Variants in SMOC2 observed in about 807,000 individuals in gnomAD.
The protein encoded by SMOC2 is SPARC related modular calcium binding 2, also known as SPARC-related modular calcium-binding protein 2.
SMOC2 carries 39 observed loss-of-function variants against 61.4 expected under a neutral mutation model. The ratio of observed to expected loss-of-function variants is 0.64; its 90% CI spans 0.49 to 0.83. The LOEUF is 0.83. Among genes scored for constraint, SMOC2 ranks in the 40% least tolerant of loss-of-function variants. The pLI is 0.00. For missense variants in SMOC2, 556 were observed against 592.9 expected (o/e 0.94, Z 0.65); for synonymous variants, 247 against 239.9 (o/e 1.03, Z -0.27).
chr6:168,603,278 A>G, intron 8 of SMOC2, among the ~76,000 whole-genome samples: 1 of 119,568 alleles, frequency 8.4e-6, no homozygotes, highest in African/African-American at 3.2e-5. Context: ...GAAATTACCG[A>G]GTCTCAGGTA....
At chr6:168,592,368 C>T (rs1192034568) in intron 7 of SMOC2, among the ~76,000 whole-genome samples, 10 of 124,658 alleles carry the variant, frequency 8.0e-5, no homozygotes, top group African/African-American at 2.9e-4. Context: ...TGAGGCCTCA[C>T]GGGCATCTTT....
At position 168,599,776 on chromosome 6, in the gene SMOC2, C is replaced by CCA. The variant is rs372397023; in HGVS notation, c.824+779_824+780dup. Among the ~76,000 whole-genome samples, 115 of 88,466 alleles carry CCA rather than the reference C, an allele frequency of 1.3e-3. 1 individual carries two copies. Among genetic ancestry groups the CCA allele is most frequent in the Middle Eastern group, 9.1e-3 (1 of 110 alleles). The allele number at this position is 88,466 out of a possible 152,430, so 58.0% of individuals were successfully genotyped here. A position where few individuals can be genotyped will look rare whatever the true frequency, so the allele number is the denominator to read the frequency against. Reference sequence around the variant, plus strand: ...CTCATACAATCCCCCAAACACCCCCCCACACACAAACATACCCACAGTCAC... The same window carrying CCA: ...CTCATACAATCCCCCAAACACCCCCCCACACACACAAACATACCCACAGTCAC... On this transcript the variant is annotated intron_variant, in intron 8 of 12. Transcript: ENST00000356284.
chr6:168,580,564 C>T (rs1250071953), intron 7 of SMOC2, among the ~76,000 whole-genome samples: 1 of 152,202 alleles, frequency 6.6e-6, no homozygotes, highest in Non-Finnish European at 1.5e-5. Flanking sequence ...TCTTTTGAGA[C>T]AGGGTCTCAC....
chr6:168,519,134 T>C (rs1427296926), intron 2 of SMOC2, among the ~76,000 whole-genome samples: 2 of 151,372 alleles, frequency 1.3e-5, no homozygotes, highest in Non-Finnish European at 3.0e-5. Context: ...CATGTGTATG[T>C]GTGCATGTGT....
chr6:168,618,635 G>A (rs984622702), intron 9 of SMOC2, among the ~76,000 whole-genome samples: 4 of 152,168 alleles, frequency 2.6e-5, no homozygotes, highest in Non-Finnish European at 5.9e-5. Flanking sequence ...GGCGAGTCAA[G>A]GAGAGGTGGT....
intron 2 of SMOC2, among the ~76,000 whole-genome samples, chr6:168,513,450 G>A (rs1454804703): frequency 7.1e-6 from 1 of 140,986 alleles, no homozygotes; most frequent in Admixed American, 7.6e-5. Context: ...TTCAATGGGA[G>A]ACACACACAC....
intron 9 of SMOC2, among the ~76,000 whole-genome samples, chr6:168,623,482 C>CTTAT (rs146563724): frequency 1.4e-3 from 211 of 146,474 alleles, no homozygotes; most frequent in East Asian, 8.3e-3. Context: ...CCCCACCTGG[C>CTTAT]TTATTTATTT....
At chr6:168,566,251 T>G (rs1717863030) in intron 7 of SMOC2, among the ~76,000 whole-genome samples, 1 of 152,180 alleles carries the variant, frequency 6.6e-6, no homozygotes, top group South Asian at 2.1e-4. Flanking sequence ...TGTGTGTGTT[T>G]ATACACCACT....
chr6:168,458,469 C>A (rs1489202741), intron 1 of SMOC2, among the ~76,000 whole-genome samples: 1 of 152,216 alleles, frequency 6.6e-6, no homozygotes, highest in Non-Finnish European at 1.5e-5. Flanking sequence ...TGGGTTTGGA[C>A]CAGCTTCTGA....
chr6:168,578,424 AGGAGAC>A (rs1784853617), intron 7 of SMOC2, among the ~76,000 whole-genome samples: 1 of 152,214 alleles, frequency 6.6e-6, no homozygotes, highest in African/African-American at 2.4e-5. Context: ...CCATTGAGGT[AGGAGAC>A]GGGGGCAGAC....
chr6:168,501,416 C>T (rs1250874092), intron 1 of SMOC2, among the ~76,000 whole-genome samples: 3 of 152,068 alleles, frequency 2.0e-5, no homozygotes, highest in Admixed American at 6.5e-5. Context: ...TCCCTTGCTG[C>T]GGTGCCAGGA....
At chr6:168,638,428 T>C (rs1479632501) in intron 9 of SMOC2, among the ~76,000 whole-genome samples, 3 of 152,192 alleles carry the variant, frequency 2.0e-5, no homozygotes, top group Non-Finnish European at 4.4e-5. Flanking sequence ...ATGTTTCTCG[T>C]GACGGGGTAG....
chr6:168,663,984 T>C (rs1292126970), intron 11 of SMOC2, 90 bp from the exon 12 acceptor site: 17 of 1,067,552 alleles, frequency 1.6e-5, no homozygotes, highest in Non-Finnish European at 2.3e-5. Flanking sequence ...CTTCCTAAAG[T>C]GATGTGGACT....
Position 168,598,906 on chromosome 6 carries a change from C to T in SMOC2, c.726C>T (p.His242=), listed in dbSNP as rs747803870. ...ATGTGGTGATCCCTGAGTGTGCGCA[C>T]GGCGGCCTCTACAAGCCAGTGCAGT... The part of the protein sequence containing the change: ...NDNVVIPECA[H]GGLYKPVQCH... The change falls in exon 8 of 13, where the codon CAC becomes CAT. Residue 242 remains histidine, a synonymous_variant. Coordinates refer to ENST00000356284, the MANE Select transcript of SMOC2 (RefSeq NM_001166412.2). 3.1e-6 allele frequency: 5 copies of T among 1,613,564 alleles called. No individual in the cohort carries two copies. The African/African-American group carries it at 4.0e-5, about 13-fold the overall frequency.
At chr6:168,456,942 G>A (rs532341153) in intron 1 of SMOC2, among the ~76,000 whole-genome samples, 3 of 152,306 alleles carry the variant, frequency 2.0e-5, no homozygotes, top group Admixed American at 6.5e-5. Flanking sequence ...CAGGGGAAAA[G>A]CAACAACAAG....
intron 1 of SMOC2, among the ~76,000 whole-genome samples, chr6:168,468,974 A>G (rs149466708): frequency 3.9e-4 from 59 of 152,374 alleles, no homozygotes; most frequent in African/African-American, 1.4e-3. Flanking sequence ...CAGCACGCAT[A>G]CAGACATCAG....
At chr6:168,499,129 G>T (rs1419148255) in intron 1 of SMOC2, among the ~76,000 whole-genome samples, 3 of 150,400 alleles carry the variant, frequency 2.0e-5, no homozygotes, top group Non-Finnish European at 4.4e-5. Context: ...GTCTCTGGGG[G>T]GACAGCCAGG....
At chr6:168,457,125 C>G (rs1485111179) in intron 1 of SMOC2, among the ~76,000 whole-genome samples, 1 of 152,216 alleles carries the variant, frequency 6.6e-6, no homozygotes, top group East Asian at 1.9e-4. Flanking sequence ...AGCGCGGCCG[C>G]CACGCCCCTC....
chr6:168,614,995 A>G (rs1330639152), intron 9 of SMOC2, among the ~76,000 whole-genome samples: 2 of 34,880 alleles, frequency 5.7e-5, no homozygotes, highest in Non-Finnish European at 5.7e-5. Context: ...ACCTACAGCC[A>G]GCACAGGGCC....
Sources: gnomAD v4.1 joint callset for allele counts (sites outside exome capture counted in the v4.1 genomes callset) on GRCh38, gnomAD v4.1.1 for gene constraint, MANE v1.5 for transcripts, NCBI Gene and HGNC (gene_info 2026-07-23, HGNC 2026-07-21) for gene names.